Variants in TPX2 observed in about 807,000 individuals in gnomAD.
TPX2 encodes the protein TPX2 microtubule nucleation factor, also known as targeting protein for Xklp2.
TPX2 carries 21 observed loss-of-function variants against 93.6 expected under a neutral mutation model. The ratio of observed to expected loss-of-function variants is 0.22; its 90% confidence interval spans 0.16 to 0.32. TPX2 has a LOEUF of 0.32. Ranked by LOEUF, TPX2 falls within the 10% of genes least tolerant of loss-of-function variation. TPX2 has a pLI of 1.00. For missense variants in TPX2, 776 were observed against 871.1 expected (o/e 0.89, Z 1.37); for synonymous variants, 281 against 298.3 (o/e 0.94, Z 0.60).
chr20:31,753,157 A>G (rs2061830004), intron 2 of TPX2, among the ~76,000 whole-genome samples: 1 of 152,212 alleles, frequency 6.6e-6, no homozygotes, highest in Admixed American at 6.5e-5. Context: ...TTACTTGGAA[A>G]TAAATACAGT....
At chr20:31,763,628 C>T (rs1157760263) in intron 4 of TPX2, among the ~76,000 whole-genome samples, 1 of 151,754 alleles carries the variant, frequency 6.6e-6, no homozygotes, top group African/African-American at 2.4e-5. Context: ...TAGTTTGAAG[C>T]TACTATTAGA....
At chr20:31,766,515 C>G in intron 4 of TPX2, 41 bp from the exon 5 acceptor site, 1 of 1,450,432 alleles carries the variant, frequency 6.9e-7, no homozygotes, top group Non-Finnish European at 9.3e-7. Context: ...CAATTATTTT[C>G]CTTGGCCTTT....
chr20:31,743,776 G>C (rs1197885993), intron 2 of TPX2, among the ~76,000 whole-genome samples: 1 of 151,106 alleles, frequency 6.6e-6, no homozygotes, highest in Non-Finnish European at 1.5e-5. Context: ...GCCCAGGCTG[G>C]AGTGCAATGG....
At chr20:31,779,112 C>G (rs1439102606) in intron 10 of TPX2, 128 bp downstream of exon 10, 37 of 1,045,604 alleles carry the variant, frequency 3.5e-5, no homozygotes, top group Non-Finnish European at 4.8e-5. Context: ...TGTGACTATG[C>G]AGACAACAAA....
At chr20:31,746,576 A>G (rs2061784837) in intron 2 of TPX2, among the ~76,000 whole-genome samples, 1 of 152,340 alleles carries the variant, frequency 6.6e-6, no homozygotes, top group Admixed American at 6.5e-5. Context: ...AGAAATAGGC[A>G]AGTCATATCT....
chr20:31,796,498 C>G (rs1020104445), intron 15 of TPX2, among the ~76,000 whole-genome samples: 1 of 152,124 alleles, frequency 6.6e-6, no homozygotes, highest in African/African-American at 2.4e-5. Flanking sequence ...CCTTTGTTTG[C>G]TAAATCTCCG....
rs374702816 is a variant in TPX2, at chr20:31,763,827, G to A, written c.230-2729G>A. 5.1e-4 allele frequency among the ~76,000 whole-genome samples: 76 copies of A among 150,396 alleles called. 1 individual carries two copies. Among genetic ancestry groups the A allele is most frequent in the East Asian group, 3.6e-3 (18 of 5,062 alleles). ...AAGGTCAGGAGTTCGAGACCAGCCT[G>A]GCCAATATGGTGAAACCCTGTCTCT... On this transcript the variant is annotated intron_variant, in intron 4 of 17. Coordinates refer to ENST00000300403, the MANE Select transcript of TPX2 (RefSeq NM_012112.5).
chr20:31,748,233 T>A (rs1433397425), intron 2 of TPX2, among the ~76,000 whole-genome samples: 2 of 152,146 alleles, frequency 1.3e-5, no homozygotes, highest in African/African-American at 4.8e-5. Context: ...AAAGATTAAG[T>A]GTACTTAGGT....
At chr20:31,792,647 C>A in intron 12 of TPX2, 88 bp from the exon 13 acceptor site, 1 of 1,300,500 alleles carries the variant, frequency 7.7e-7, no homozygotes, top group Non-Finnish European at 1.1e-6. Flanking sequence ...CCTGTCTCTA[C>A]CCAAAGGGGA....
At chr20:31,776,328 C>A (rs989164550) in intron 8 of TPX2, among the ~76,000 whole-genome samples, 1 of 151,890 alleles carries the variant, frequency 6.6e-6, no homozygotes, top group Non-Finnish European at 1.5e-5. Flanking sequence ...GATCCACCCG[C>A]CTCGGCCTCC....
At chr20:31,789,349 A>G (rs562199386) in intron 12 of TPX2, among the ~76,000 whole-genome samples, 29 of 152,326 alleles carry the variant, frequency 1.9e-4, no homozygotes, top group South Asian at 1.2e-3. Flanking sequence ...TAACTGAGTG[A>G]GTAATAGTAG....
intron 17 of TPX2, among the ~76,000 whole-genome samples, chr20:31,799,030 G>C (rs555568293): frequency 1.6e-4 from 24 of 152,280 alleles, no homozygotes; most frequent in African/African-American, 5.5e-4. Flanking sequence ...TTTGTAATTA[G>C]ACAAGAATAC....
chr20:31,785,708 G>A (rs2062061900), intron 12 of TPX2, among the ~76,000 whole-genome samples: 1 of 151,920 alleles, frequency 6.6e-6, no homozygotes. Context: ...TTGTTAGCCC[G>A]GCTGGTCTCG....
chr20:31,798,295 T>C, intron 16 of TPX2, 70 bp from the exon 17 acceptor site: 3 of 1,590,730 alleles, frequency 1.9e-6, no homozygotes, highest in Non-Finnish European at 2.6e-6. Flanking sequence ...TGCCACTTGC[T>C]CATTCCAGGG....
intron 7 of TPX2, among the ~76,000 whole-genome samples, chr20:31,773,149 T>TTTTTTTTG (rs2061974895): frequency 7.0e-6 from 1 of 143,364 alleles, no homozygotes; most frequent in Admixed American, 6.9e-5. Context: ...GCTAATTTTT[T>TTTTTTTTG]TTTTTTTTTT....
chr20:31,795,858 T>C (rs1362135191), intron 15 of TPX2, among the ~76,000 whole-genome samples: 2 of 152,230 alleles, frequency 1.3e-5, no homozygotes, highest in African/African-American at 4.8e-5. Context: ...CCCCTGAATT[T>C]CTAAGTTTTT....
rs752442079 is a variant in TPX2 at position 31,794,390 on chromosome 20, CT to C, written c.1687-8del. ...GTCTTTATCTTAAACCTCATGTTTTCTTTTCTGTTAGGTGCCCAAGTTCAAG... is the reference window on the plus strand; with the variant it reads ...GTCTTTATCTTAAACCTCATGTTTTCTTTCTGTTAGGTGCCCAAGTTCAAG... On this transcript the variant is annotated splice_polypyrimidine_tract_variant and intron_variant, in intron 14 of 17. Coordinates refer to ENST00000300403, the MANE Select transcript of TPX2 (RefSeq NM_012112.5). The C allele has an allele frequency of 4.6e-5, 74 of 1,611,620 alleles. 1 individual carries two copies. Among genetic ancestry groups the C allele is most frequent in the Non-Finnish European group, 5.2e-5 (61 of 1,179,350 alleles).
chr20:31,801,068 A>T lies in TPX2; in HGVS notation c.2232A>T (p.Arg744=), dbSNP rs754586396. ...CTGTATCTCCCAAATTCTCCACTCG[A>T]TTCCACTGCTAAACTCAGCTGTGAG... ...TVPVSPKFST[R]FHC Residue 744 remains arginine (R), a synonymous_variant, in exon 18 of 18, where the codon CGA becomes CGT. Transcript: ENST00000300403. 6.2e-7 allele frequency: 1 copy of T among 1,614,114 alleles called. No individual in the cohort carries two copies. The highest frequency in any genetic ancestry group is 8.5e-7 in the Non-Finnish European group (1 of 1,180,004).
intron 1 of TPX2, among the ~76,000 whole-genome samples, chr20:31,742,264 G>A (rs1229690235): frequency 2.0e-5 from 3 of 147,734 alleles, no homozygotes; most frequent in Non-Finnish European, 4.4e-5. Flanking sequence ...TGAAGCTTCC[G>A]CTTCCCAGGT....
Sources: allele counts gnomAD v4.1 joint callset (sites outside exome capture counted in the v4.1 genomes callset), GRCh38; gene constraint gnomAD v4.1.1; transcripts MANE v1.5; gene names NCBI Gene and HGNC (gene_info 2026-07-23, HGNC 2026-07-21).